SUPT3H: variants seen among roughly 807,000 people sequenced by gnomAD.
SUPT3H encodes SPT3 homolog, SAGA and STAGA complex component, also known as transcription initiation protein SPT3 homolog.
Under a neutral mutation model 44.3 loss-of-function variants are expected in SUPT3H, and 44 were observed. That is an observed-to-expected ratio of 0.99 (90% CI 0.78 to 1.28). The LOEUF (loss-of-function observed/expected upper bound fraction) is 1.28. Ranked by LOEUF, SUPT3H falls within the 50% of genes most tolerant of loss-of-function variation. The pLI is 0.00. For synonymous variants in SUPT3H, 124 were observed against 125.6 expected (o/e 0.99, Z 0.09); for missense variants, 380 against 387.1 (o/e 0.98, Z 0.15).
chr6:45,201,478 A>G (rs1370425256), intron 2 of SUPT3H, among the ~76,000 whole-genome samples: 1 of 151,834 alleles, frequency 6.6e-6, no homozygotes, highest in African/African-American at 2.4e-5. Flanking sequence ...TTTTAAAAAT[A>G]AATTAATATA....
At chr6:45,362,165 C>G (rs1794376468) in intron 2 of SUPT3H, among the ~76,000 whole-genome samples, 1 of 152,192 alleles carries the variant, frequency 6.6e-6, no homozygotes, top group Non-Finnish European at 1.5e-5. Flanking sequence ...AATACTAGGA[C>G]AGATTGGTTG....
intron 8 of SUPT3H, among the ~76,000 whole-genome samples, chr6:44,954,004 T>C (rs570322782): frequency 2.8e-4 from 42 of 152,178 alleles, no homozygotes; most frequent in African/African-American, 8.9e-4. Context: ...TCCCAAAGTG[T>C]TGGGATTACA....
rs543128984 is a variant in SUPT3H, at chr6:45,257,826, A to G, written c.101+107375T>C. On this transcript the variant is annotated intron_variant, in intron 2 of 10. Coordinates refer to ENST00000371459, the MANE Select transcript of SUPT3H (RefSeq NM_003599.4). ...TTTCCCATGTGACCTGAGAATACTCACTGGAGGCGATTGTGGCTGCAGCAT... is the reference window on the plus strand; with the variant it reads ...TTTCCCATGTGACCTGAGAATACTCGCTGGAGGCGATTGTGGCTGCAGCAT... 2.0e-5 allele frequency among the ~76,000 whole-genome samples: 3 copies of G among 152,282 alleles called. No homozygotes were observed. The South Asian group carries it at 6.2e-4, about 32-fold the overall frequency.
intron 3 of SUPT3H, among the ~76,000 whole-genome samples, chr6:45,096,634 T>A (rs1285380181): frequency 6.6e-6 from 1 of 152,148 alleles, no homozygotes; most frequent in Non-Finnish European, 1.5e-5. Flanking sequence ...ATGATTTAAG[T>A]AAAAACTTCT....
chr6:44,864,877 T>C (rs1366392357), intron 10 of SUPT3H, among the ~76,000 whole-genome samples: 2 of 152,242 alleles, frequency 1.3e-5, no homozygotes, highest in Admixed American at 6.5e-5. Context: ...GTGTTACTTA[T>C]AAAAATTTCT....
intron 1 of SUPT3H, among the ~76,000 whole-genome samples, chr6:45,372,999 G>A (rs1016739500): frequency 9.2e-5 from 14 of 152,236 alleles, no homozygotes; most frequent in African/African-American, 3.4e-4. Context: ...AGTAGACAGA[G>A]TTTCACCATG....
intron 3 of SUPT3H, among the ~76,000 whole-genome samples, chr6:45,043,142 T>TACACACACACAC (rs59321114): frequency 0.019 from 2,773 of 146,800 alleles, 38 homozygotes; most frequent in South Asian, 0.033. Context: ...CATACACACA[T>TACACACACACAC]ACACACACAC....
At chr6:45,213,696 A>G (rs1056727511) in intron 2 of SUPT3H, among the ~76,000 whole-genome samples, 3 of 152,162 alleles carry the variant, frequency 2.0e-5, no homozygotes, top group Admixed American at 2.0e-4. Context: ...AATTATTAAG[A>G]ACAAGGAAGC....
At chr6:45,199,360 T>G (rs923312926) in intron 2 of SUPT3H, among the ~76,000 whole-genome samples, 16 of 151,338 alleles carry the variant, frequency 1.1e-4, no homozygotes, top group Non-Finnish European at 1.9e-4. Context: ...GCTCTGGTCA[T>G]CTGAGGAATT....
chr6:44,874,937 C>T (rs1777008139), intron 10 of SUPT3H, among the ~76,000 whole-genome samples: 1 of 135,418 alleles, frequency 7.4e-6, no homozygotes, highest in South Asian at 2.8e-4. Context: ...AGGAATCCAA[C>T]TTACAAGGGA....
intron 3 of SUPT3H, among the ~76,000 whole-genome samples, chr6:45,102,658 T>C (rs930131399): frequency 2.6e-5 from 4 of 152,142 alleles, no homozygotes; most frequent in African/African-American, 9.7e-5. Context: ...TATAAAGATG[T>C]TGACCGGGTG....
At chr6:45,017,525 A>G (rs996567885) in intron 4 of SUPT3H, among the ~76,000 whole-genome samples, 6 of 152,080 alleles carry the variant, frequency 3.9e-5, no homozygotes, top group African/African-American at 7.2e-5. Context: ...TTTTTGTATA[A>G]GGAGTAAGGA....
rs1485771773 is a variant in SUPT3H at position 44,811,166 on chromosome 6, G to C, written c.*53-1665C>G. Among the ~76,000 whole-genome samples the C allele has an allele frequency of 2.0e-5, 3 of 152,124 alleles. No individual in the cohort carries two copies. In the East Asian group the frequency reaches 5.8e-4, roughly 29 times the overall value. ...GGATGCCACATTACATTTATGTCAT[G>C]TCTCCTTAGGCTCCTCTTGGCTATG... On this transcript the variant is annotated intron_variant and NMD_transcript_variant, in intron 11 of 11. Transcript: ENST00000475057.
intron 1 of SUPT3H, among the ~76,000 whole-genome samples, chr6:45,367,193 T>C (rs1388226691): frequency 6.6e-6 from 1 of 152,180 alleles, no homozygotes; most frequent in Non-Finnish European, 1.5e-5. Flanking sequence ...AATATCCCTC[T>C]GGTCTAGTCT....
At position 44,829,638 on chromosome 6, in the gene SUPT3H, C is replaced by T; in HGVS notation, c.*178G>A. On this transcript the variant is annotated 3_prime_UTR_variant, in exon 11 of 11. Coordinates refer to ENST00000371459, the MANE Select transcript of SUPT3H (RefSeq NM_003599.4). ...TTAGCTGAACAGCCCATCTAGTAAA[C>T]AAGACCGATGGTTGAGGGGCTGGAA... 4.6e-6 allele frequency: 3 copies of T among 655,844 alleles called. No homozygotes were observed. Among genetic ancestry groups the T allele is most frequent in the Admixed American group, 5.4e-5 (2 of 37,004 alleles). 40.6% of individuals were successfully genotyped at this position (655,844 alleles called of 1,614,324 possible).
At chr6:45,039,864 T>C (rs1352825834) in intron 3 of SUPT3H, among the ~76,000 whole-genome samples, 1 of 151,506 alleles carries the variant, frequency 6.6e-6, no homozygotes, top group Non-Finnish European at 1.5e-5. Flanking sequence ...AAAATTTTGC[T>C]AGATAAATAG....
At chr6:45,041,852 T>C (rs1788581825) in intron 3 of SUPT3H, among the ~76,000 whole-genome samples, 1 of 152,294 alleles carries the variant, frequency 6.6e-6, no homozygotes, top group South Asian at 2.1e-4. Context: ...ATTTCAAATA[T>C]TGGATAATGG....
intron 9 of SUPT3H, among the ~76,000 whole-genome samples, chr6:44,934,390 AAGAAAC>A (rs1028137125): frequency 1.3e-5 from 2 of 152,218 alleles, no homozygotes; most frequent in African/African-American, 4.8e-5. Flanking sequence ...TATCCATTCA[AAGAAAC>A]AGAAACCAAA....
At chr6:45,127,606 G>A (rs1802637671) in intron 2 of SUPT3H, among the ~76,000 whole-genome samples, 2 of 152,028 alleles carry the variant, frequency 1.3e-5, no homozygotes, top group Non-Finnish European at 2.9e-5. Context: ...CATAATTTAT[G>A]TTTTTTTCTT....
Sources: gnomAD v4.1 joint callset for allele counts (sites outside exome capture counted in the v4.1 genomes callset) on GRCh38, gnomAD v4.1.1 for gene constraint, MANE v1.5 for transcripts, NCBI Gene and HGNC (gene_info 2026-07-23, HGNC 2026-07-21) for gene names.